Variants in LRP2 observed in about 807,000 individuals in gnomAD.
LRP2 encodes the protein low-density lipoprotein receptor-related protein 2.
LRP2 carries 172 observed loss-of-function variants against 531.0 expected under a neutral mutation model. The observed-to-expected ratio is 0.32, with a 90% confidence interval of 0.29 to 0.37. LRP2 has a LOEUF of 0.37. Ranked by LOEUF, LRP2 falls within the 10% of genes least tolerant of loss-of-function variation. The pLI is 1.00. For missense variants in LRP2, 5,167 were observed against 5,868.3 expected (o/e 0.88, Z 3.90); for synonymous variants, 1,992 against 2,027.6 (o/e 0.98, Z 0.47).
Position 169,225,355 on chromosome 2 carries a change from A to G in LRP2, c.5493T>C (p.Ile1831=). The change falls in exon 33 of 79, where the codon ATT becomes ATC. Residue 1831 remains isoleucine, a synonymous_variant. Transcript: ENST00000649046. ...GPSMNLALDW[I]SRNLYSTNPR... ...GATTGGTAGAATAAAGGTTTCTTGA[A>G]ATCCAATCTAAGGCCAGGTTCATAG... 1 of 1,613,988 alleles carries G rather than the reference A, an allele frequency of 6.2e-7. No homozygotes were observed. The highest frequency in any genetic ancestry group is 8.5e-7 in the Non-Finnish European group (1 of 1,179,948).
intron 10 of LRP2, among the ~76,000 whole-genome samples, chr2:169,282,408 A>C (rs905369794): frequency 1.3e-4 from 20 of 152,330 alleles, no homozygotes; most frequent in African/African-American, 4.8e-4. Flanking sequence ...AATTACCCAG[A>C]GTTAGTGCAT....
intron 77 of LRP2, among the ~76,000 whole-genome samples, chr2:169,131,254 AGTGTGT>A (rs3835382): frequency 0.032 from 4,757 of 148,428 alleles, 94 homozygotes; most frequent in African/African-American, 0.053. Context: ...TGAGTGTATG[AGTGTGT>A]GTGTGTGTGT....
At chr2:169,138,727 C>G in intron 74 of LRP2, 21 bp from the exon 75 acceptor site, 2 of 1,613,546 alleles carry the variant, frequency 1.2e-6, no homozygotes, top group Non-Finnish European at 8.5e-7. Flanking sequence ...GTAACCAAAA[C>G]AGTGTCTTGT....
chr2:169,204,012 T>G lies in LRP2; in HGVS notation c.7975A>C (p.Asn2659His), dbSNP rs1417100370. ...QQCNNPCEQF[N>H]GGCSHICAPG... is the part of the protein sequence containing the mutation. ...GCACAGATATGGCTGCAGCCCCCAT[T>G]AAACTGTTCACAAGGATTGTTACAC... Residue 2659 changes from asparagine to histidine, a missense_variant, in exon 42 of 79, where the codon AAT becomes CAT. This residue lies in a region of LRP2 where 1,129 missense variants were observed against 1,362.7 expected (regional missense o/e 0.83). Transcript: ENST00000649046. The G allele has an allele frequency of 1.9e-6, 3 of 1,614,108 alleles. No homozygotes were observed. The African/African-American group carries it at 4.0e-5, about 22-fold the overall frequency.
At chr2:169,306,158 G>GTATATATTAAAATATA (rs1684411186) in intron 4 of LRP2, among the ~76,000 whole-genome samples, 1 of 151,700 alleles carries the variant, frequency 6.6e-6, no homozygotes, top group African/African-American at 2.4e-5. Context: ...TATGTTATAT[G>GTATATATTAAAATATA]TATATATTAA....
Position 169,237,549 on chromosome 2 carries a change from GT to G in LRP2, c.4507-263del, listed in dbSNP as rs1179248990. Reference sequence around the variant, plus strand: ...GCATAGTTTCGTTTTGGTTTCAAAAGTTTTTGCAATTAAGAAAAAGCTCTAT... The same window carrying G: ...GCATAGTTTCGTTTTGGTTTCAAAAGTTTTGCAATTAAGAAAAAGCTCTAT... On this transcript the variant is annotated intron_variant, in intron 27 of 78. Coordinates refer to ENST00000649046, the MANE Select transcript of LRP2 (RefSeq NM_004525.3). 9.2e-5 allele frequency among the ~76,000 whole-genome samples: 14 copies of G among 152,146 alleles called. 1 individual carries two copies. The highest frequency in any genetic ancestry group is 9.2e-4 in the Admixed American group (14 of 15,274).
rs752592765 is a variant in LRP2, at chr2:169,294,274, G to A, written c.539-13C>T. On this transcript the variant is annotated splice_polypyrimidine_tract_variant and intron_variant, in intron 5 of 78. Transcript: ENST00000649046. ...AAGCATATCTCAGCTGCAACAGAAAGTTAAGAAGGGAAAGAAAAGAGAGAA... is the reference window on the plus strand; with the variant it reads ...AAGCATATCTCAGCTGCAACAGAAAATTAAGAAGGGAAAGAAAAGAGAGAA... 4 of 1,460,528 alleles carry A rather than the reference G, an allele frequency of 2.7e-6. No homozygotes were observed. The South Asian group carries it at 3.4e-5, about 12-fold the overall frequency. The allele number at this position is 1,460,528 out of a possible 1,614,324, so 90.5% of individuals were successfully genotyped here.
In LRP2 at chr2:169,265,888, A is replaced by G. The variant is rs562476592; in HGVS notation, c.2320+5016T>C. 3.7e-4 allele frequency among the ~76,000 whole-genome samples: 56 copies of G among 152,120 alleles called. No homozygotes were observed. The South Asian group carries it at 0.011, about 29-fold the overall frequency. ...CCAGGCCAGAGAAAAACAAGTCCCA[A>G]TTGGAACACAGGATAGGGGTCTCCA... On this transcript the variant is annotated intron_variant, in intron 16 of 78. Coordinates refer to ENST00000649046, the MANE Select transcript of LRP2 (RefSeq NM_004525.3).
At chr2:169,190,916 G>C (rs548794887) in intron 48 of LRP2, among the ~76,000 whole-genome samples, 3 of 152,288 alleles carry the variant, frequency 2.0e-5, no homozygotes, top group Admixed American at 6.5e-5. Flanking sequence ...TGTTAAGTGG[G>C]ATGATGAGAA....
At chr2:169,286,524 T>C (rs966243646) in intron 9 of LRP2, among the ~76,000 whole-genome samples, 1 of 152,198 alleles carries the variant, frequency 6.6e-6, no homozygotes, top group Non-Finnish European at 1.5e-5. Context: ...AACAAGAACA[T>C]TGTTATGACA....
intron 1 of LRP2, among the ~76,000 whole-genome samples, chr2:169,323,816 T>C (rs533035608): frequency 6.6e-6 from 1 of 150,378 alleles, no homozygotes; most frequent in East Asian, 2.0e-4. Context: ...CTTTAAAACA[T>C]TCTCCAGGAG....
chr2:169,299,856 C>G (rs1179905242), intron 4 of LRP2, among the ~76,000 whole-genome samples: 1 of 152,122 alleles, frequency 6.6e-6, no homozygotes, highest in Non-Finnish European at 1.5e-5. Flanking sequence ...TTTCCAATCA[C>G]TAGAAATGGT....
At chr2:169,254,903 C>T (rs930366091) in intron 19 of LRP2, among the ~76,000 whole-genome samples, 5 of 151,676 alleles carry the variant, frequency 3.3e-5, no homozygotes, top group African/African-American at 9.7e-5. Flanking sequence ...ATGGCAGCGG[C>T]GGGAGGGGGA....
chr2:169,247,667 C>T (rs762042125), intron 19 of LRP2, 152 bp from the exon 20 acceptor site: 131 of 817,130 alleles, frequency 1.6e-4, no homozygotes, highest in Non-Finnish European at 1.9e-4. Flanking sequence ...CCATTTTCCA[C>T]GACTTGTTAC....
chr2:169,152,666 C>T, intron 67 of LRP2, 133 bp downstream of exon 67: 1 of 982,350 alleles, frequency 1.0e-6, no homozygotes, highest in Non-Finnish European at 1.6e-6. Context: ...GCAAGCCCAA[C>T]CACTGCCCAG....
In LRP2 at chr2:169,175,337, A is replaced by T. The variant is rs2105284391; in HGVS notation, c.10624T>A (p.Ser3542Thr). 6.2e-7 allele frequency: 1 copy of T among 1,614,204 alleles called. No homozygotes were observed. The highest frequency in any genetic ancestry group is 1.1e-5 in the South Asian group (1 of 91,090). Residue 3542 changes from serine to threonine, a missense_variant, in exon 55 of 79, where the codon TCT (serine) becomes ACT (threonine). By Grantham distance (58) the Ser-to-Thr change is moderately conservative (BLOSUM62 1). Transcript: ENST00000649046. ...CDGQKDCSDG[S>T]DELALCPQRF... ...TGCGGGCAAAGGGCCAGTTCATCAG[A>T]GCCATCTGAGCAGTCTTTCTGTCCA...
At chr2:169,299,155 GAAAAAAAGAAAGAA>G (rs1684222194) in intron 4 of LRP2, among the ~76,000 whole-genome samples, 3 of 23,494 alleles carry the variant, frequency 1.3e-4, no homozygotes, top group Non-Finnish European at 3.6e-4. Context: ...AAGAAAGAAA[GAAAAAAAGAAAGAA>G]AGAAAAAGAA....
rs1397835441 is a variant in LRP2, at chr2:169,174,011, C to T, written c.10922G>A (p.Arg3641Gln). The T allele has an allele frequency of 5.6e-6, 9 of 1,614,242 alleles. No homozygotes were observed. Among genetic ancestry groups the T allele is most frequent in the Admixed American group, 3.3e-5 (2 of 60,034 alleles). Residue 3641 changes from arginine (R) to glutamine (Q), a missense_variant, in exon 56 of 79, where the codon CGG becomes CAG. By Grantham distance (43) the Arg-to-Gln change is conservative. This residue lies in a region of LRP2 where 311 missense variants were observed against 309.4 expected (regional missense o/e 1.01). Transcript: ENST00000649046. ...ASRTCRPGQF[R>Q]CANGRCIPQA... ...CGGGATGCAGCGGCCATTAGCACAC[C>T]GAAACTGGCCCGGCCGGCAGGTCCT... is the stretch of plus-strand genomic sequence containing the variant.
At chr2:169,227,719 C>A (rs573244159) in intron 31 of LRP2, among the ~76,000 whole-genome samples, 6 of 152,164 alleles carry the variant, frequency 3.9e-5, no homozygotes, top group African/African-American at 1.2e-4. Context: ...TTAGCTTTTT[C>A]TTGTTCCTAT....
Sources: gnomAD v4.1 joint callset for allele counts (sites outside exome capture counted in the v4.1 genomes callset) on GRCh38, gnomAD v4.1.1 for gene constraint, gnomAD v4.1.1 regional missense constraint, MANE v1.5 for transcripts, NCBI Gene and HGNC (gene_info 2026-07-23, HGNC 2026-07-21) for gene names.